The following KCNQ5 variants were observed in gnomAD, a reference collection of about 807,000 sequenced individuals.
The protein encoded by KCNQ5 is potassium voltage-gated channel subfamily Q member 5.
A neutral mutation model predicts 98.2 loss-of-function variants in KCNQ5; 30 were observed. That is an observed-to-expected ratio of 0.31 (90% CI 0.23 to 0.41). KCNQ5 has a LOEUF of 0.41. Ranked by LOEUF, KCNQ5 falls within the 10% of genes least tolerant of loss-of-function variation. The probability of loss-of-function intolerance (pLI) is 1.00; values close to 1 mark genes in which losing one functional copy is unlikely to be tolerated. For synonymous variants in KCNQ5, 458 were observed against 449.4 expected (o/e 1.02, Z -0.24); for missense variants, 835 against 1,182.5 (o/e 0.71, Z 4.31).
chr6:72,725,710 G>T (rs1288246346), intron 1 of KCNQ5, among the ~76,000 whole-genome samples: 1 of 152,014 alleles, frequency 6.6e-6, no homozygotes, highest in Non-Finnish European at 1.5e-5. Flanking sequence ...TATGTGAGGT[G>T]GCAGCTTTGT....
chr6:72,720,912 G>T (rs1769921781), intron 1 of KCNQ5, among the ~76,000 whole-genome samples: 1 of 152,150 alleles, frequency 6.6e-6, no homozygotes, highest in African/African-American at 2.4e-5. Flanking sequence ...TCTATTAAAT[G>T]ATTGTAGATT....
chr6:72,682,452 T>A (rs1767755162), intron 1 of KCNQ5, among the ~76,000 whole-genome samples: 1 of 152,182 alleles, frequency 6.6e-6, no homozygotes, highest in African/African-American at 2.4e-5. Context: ...TGTACCTTTT[T>A]TTTCCTTTGG....
intron 1 of KCNQ5, among the ~76,000 whole-genome samples, chr6:72,870,007 A>G (rs1778140282): frequency 6.6e-6 from 1 of 152,208 alleles, no homozygotes; most frequent in African/African-American, 2.4e-5. Context: ...AGTCCACACC[A>G]CTAAAATGGC....
chr6:72,869,590 GACAGA>G (rs148388112), intron 1 of KCNQ5, among the ~76,000 whole-genome samples: 2,136 of 152,244 alleles, frequency 0.014, 38 homozygotes, highest in African/African-American at 0.049. Context: ...CCTTTGTAAA[GACAGA>G]ACATTTTGAC....
intron 1 of KCNQ5, among the ~76,000 whole-genome samples, chr6:72,653,982 T>C (rs769550489): frequency 9.2e-5 from 14 of 152,102 alleles, no homozygotes; most frequent in Non-Finnish European, 2.1e-4. Flanking sequence ...AATACCTATG[T>C]ACAGGACTTA....
intron 1 of KCNQ5, among the ~76,000 whole-genome samples, chr6:72,735,129 A>G (rs1428793552): frequency 6.6e-6 from 1 of 152,318 alleles, no homozygotes; most frequent in African/African-American, 2.4e-5. Flanking sequence ...TTGCTGTTGG[A>G]TAACTTGGTG....
At chr6:72,642,935 A>T (rs1765399470) in intron 1 of KCNQ5, among the ~76,000 whole-genome samples, 2 of 152,228 alleles carry the variant, frequency 1.3e-5, no homozygotes, top group South Asian at 4.1e-4. Context: ...GACATAAAAA[A>T]GAATGAGCTT....
At chr6:72,906,449 C>T (rs1779703556) in intron 1 of KCNQ5, among the ~76,000 whole-genome samples, 1 of 152,216 alleles carries the variant, frequency 6.6e-6, no homozygotes, top group African/African-American at 2.4e-5. Flanking sequence ...TTACAAACTT[C>T]AGCTGGAGAT....
chr6:73,023,646 C>T (rs974205686), intron 2 of KCNQ5, among the ~76,000 whole-genome samples: 2 of 152,178 alleles, frequency 1.3e-5, no homozygotes, highest in Non-Finnish European at 2.9e-5. Flanking sequence ...CAGATGCCTT[C>T]CCAGGACATG....
chr6:72,781,275 G>A (rs1257284404), intron 1 of KCNQ5, among the ~76,000 whole-genome samples: 2 of 152,142 alleles, frequency 1.3e-5, no homozygotes, highest in Non-Finnish European at 2.9e-5. Context: ...AAGCTAGGAA[G>A]GGGCTAGGAA....
At chr6:73,001,187 A>T (rs1397291459) in intron 1 of KCNQ5, among the ~76,000 whole-genome samples, 1 of 152,132 alleles carries the variant, frequency 6.6e-6, no homozygotes, top group African/African-American at 2.4e-5. Flanking sequence ...CCAACTAAAT[A>T]GAATCCCTCC....
At chr6:72,986,131 G>A (rs545095039) in intron 1 of KCNQ5, among the ~76,000 whole-genome samples, 55 of 152,290 alleles carry the variant, frequency 3.6e-4, no homozygotes, top group African/African-American at 1.3e-3. Flanking sequence ...TCGGGAGGCT[G>A]AGACAGGAGA....
At chr6:73,055,853 A>G in intron 3 of KCNQ5, 1 of 676,410 alleles carries the variant, frequency 1.5e-6, no homozygotes, top group East Asian at 3.4e-5. Context: ...AAAGCCAAGA[A>G]GTGAAGGCCA....
intron 3 of KCNQ5, among the ~76,000 whole-genome samples, chr6:73,062,244 A>C (rs1023945368): frequency 2.0e-5 from 3 of 152,184 alleles, no homozygotes; most frequent in African/African-American, 7.2e-5. Flanking sequence ...TAACTAAGTT[A>C]ATTGTCCCTG....
chr6:72,896,858 G>A (rs552228745), intron 1 of KCNQ5, among the ~76,000 whole-genome samples: 4 of 152,212 alleles, frequency 2.6e-5, no homozygotes, highest in Admixed American at 6.5e-5. Flanking sequence ...GAAAATGCAA[G>A]TATTGTTGAA....
intron 1 of KCNQ5, among the ~76,000 whole-genome samples, chr6:72,810,941 A>C (rs1033175551): frequency 6.6e-6 from 1 of 152,234 alleles, no homozygotes; most frequent in Non-Finnish European, 1.5e-5. Flanking sequence ...GATGCTAAGA[A>C]TACCCTGTGT....
chr6:72,697,369 C>T (rs1768554509), intron 1 of KCNQ5, among the ~76,000 whole-genome samples: 1 of 152,028 alleles, frequency 6.6e-6, no homozygotes, highest in Non-Finnish European at 1.5e-5. Context: ...TTATAGGACA[C>T]AATAACTCAT....
chr6:73,164,725 T>A (rs1328962175), intron 10 of KCNQ5, among the ~76,000 whole-genome samples: 1 of 147,984 alleles, frequency 6.8e-6, no homozygotes, highest in Non-Finnish European at 1.5e-5. Context: ...AAGGACTCTA[T>A]ATTTTATGCT....
At chr6:72,994,143 G>C (rs1323538143) in intron 1 of KCNQ5, among the ~76,000 whole-genome samples, 2 of 58,046 alleles carry the variant, frequency 3.4e-5, no homozygotes, top group African/African-American at 1.9e-4. Flanking sequence ...CAGAGGTGGA[G>C]CCTACAGAGG....
Sources: gnomAD v4.1 joint callset for allele counts (sites outside exome capture counted in the v4.1 genomes callset) on GRCh38, gnomAD v4.1.1 for gene constraint, MANE v1.5 for transcripts, NCBI Gene and HGNC (gene_info 2026-07-23, HGNC 2026-07-21) for gene names.